ZNF582: variants seen among roughly 807,000 people sequenced by gnomAD.
ZNF582 encodes zinc finger protein 582.
In ZNF582, 14 loss-of-function variants were observed where a neutral mutation model predicts 12.3. The ratio of observed to expected loss-of-function variants is 1.14; its 90% CI spans 0.75 to 1.78. ZNF582 has a LOEUF of 1.78. Ranked by LOEUF, ZNF582 falls within the 40% of genes most tolerant of loss-of-function variation. ZNF582 has a pLI of 0.00. For missense variants in ZNF582, 567 were observed against 616.5 expected, an observed-to-expected ratio of 0.92 and a Z score of 0.85; for synonymous variants, 210 against 207.2, an observed-to-expected ratio of 1.01 and a Z score of -0.11.
At chr19:56,384,354 T>C in exon 5 of ZNF582, 2 of 1,613,250 alleles carry the variant, frequency 1.2e-6, no homozygotes, top group Non-Finnish European at 1.7e-6. Context: ...TGATGTCGTA[T>C]AAGAGTTGAG....
intron 4 of ZNF582, among the ~76,000 whole-genome samples, chr19:56,389,542 GGAGA>G (rs1437708008): frequency 6.6e-6 from 1 of 152,020 alleles, no homozygotes; most frequent in Non-Finnish European, 1.5e-5. Flanking sequence ...TTGGGCGGAG[GGAGA>G]GAATCAGGAA....
chr19:56,384,767 T>C (rs2041950284), exon 5 of ZNF582: 1 of 1,600,754 alleles, frequency 6.2e-7, no homozygotes, highest in Non-Finnish European at 8.5e-7. Context: ...AATATTCTCA[T>C]GTTGAATTAG....
chr19:56,390,116 T>A lies in ZNF582; in HGVS notation c.137-20A>T, dbSNP rs1458804179. On this transcript the variant is annotated intron_variant, in intron 3 of 4. Transcript: ENST00000586929. The stretch of plus-strand genomic sequence containing the variant: ...CAAGACCTGGAGATGAGAAGAAACA[T>A]GCCACCTGGTTATGGTGTGGGGGCC... 1 of 1,611,070 alleles carries A rather than the reference T, an allele frequency of 6.2e-7. No homozygotes were observed. Among genetic ancestry groups the A allele is most frequent in the Non-Finnish European group, 8.5e-7 (1 of 1,178,070 alleles).
chr19:56,389,237 C>A (rs1285856196), intron 4 of ZNF582, among the ~76,000 whole-genome samples: 2 of 152,216 alleles, frequency 1.3e-5, no homozygotes, highest in Non-Finnish European at 2.9e-5. Flanking sequence ...CCACCTGCCT[C>A]ATCAATGTAT....
At chr19:56,383,517 T>C (rs1191656752) in exon 5 of ZNF582, 1 of 173,932 alleles carries the variant, frequency 5.7e-6, no homozygotes, top group Non-Finnish European at 1.2e-5. Flanking sequence ...CTCAATTCAT[T>C]CTTTTCATTA....
rs781755424 is a variant in ZNF582, at chr19:56,384,969, G to C, written c.448C>G (p.Pro150Ala). 2.5e-6 allele frequency: 4 copies of C among 1,614,092 alleles called. No individual in the cohort carries two copies. The East Asian group carries it at 8.9e-5, about 36-fold the overall frequency. The change falls in exon 5 of 5, where the codon CCC becomes GCC. Residue 150 changes from proline (P) to alanine (A), a missense_variant. Transcript: ENST00000586929. ...AGGGATGCATGCTGGTCAAAAGTGGGCATTTCTTCATGTCTGATGATCATC... is the reference window on the plus strand; with the variant it reads ...AGGGATGCATGCTGGTCAAAAGTGGCCATTTCTTCATGTCTGATGATCATC...
chr19:56,393,158 C>A (rs901227112), intron 1 of ZNF582, 62 bp downstream of exon 1: 1 of 1,216,312 alleles, frequency 8.2e-7, no homozygotes, highest in Non-Finnish European at 1.1e-6. Flanking sequence ...AAAAAAGGCA[C>A]GCATAACAGT....
chr19:56,393,117 T>G lies in ZNF582; in HGVS notation c.-81+103A>C, dbSNP rs550398214. 90 of 1,025,276 alleles carry G rather than the reference T, an allele frequency of 8.8e-5. No homozygotes were observed. The South Asian group carries it at 1.2e-3, about 14-fold the overall frequency. 63.5% of individuals were successfully genotyped at this position (1,025,276 alleles called of 1,614,324 possible). ...GTCTTGTAACTCTCTGAGAACCTCA[T>G]GAAACAAGATTTCCTCTCAGATTAA... On this transcript the variant is annotated intron_variant, in intron 1 of 4. Coordinates refer to ENST00000586929, the Ensembl canonical transcript of ZNF582.
exon 5 of ZNF582, chr19:56,384,805 A>G (rs543855632): frequency 6.3e-7 from 1 of 1,598,276 alleles, no homozygotes; most frequent in South Asian, 1.1e-5. Flanking sequence ...AGGCCTTCCC[A>G]CATTCCTTAC....
At chr19:56,385,831 G>A (rs922186431) in intron 4 of ZNF582, among the ~76,000 whole-genome samples, 7 of 152,194 alleles carry the variant, frequency 4.6e-5, no homozygotes, top group African/African-American at 1.7e-4. Context: ...GGGAGCACAA[G>A]GGAACTTTTT....
exon 5 of ZNF582, chr19:56,384,755 T>C (rs138936614): frequency 6.2e-7 from 1 of 1,602,146 alleles, no homozygotes; most frequent in African/African-American, 1.3e-5. Flanking sequence ...CTTACCAGAA[T>C]GAATATTCTC....
At chr19:56,389,940 C>T in intron 4 of ZNF582, 61 bp downstream of exon 4, 1 of 1,372,922 alleles carries the variant, frequency 7.3e-7, no homozygotes, top group Non-Finnish European at 1.0e-6. Context: ...AGACAAAGGG[C>T]CACTTCCAGC....
At chr19:56,391,793 T>A in exon 2 of ZNF582, 1 of 1,614,154 alleles carries the variant, frequency 6.2e-7, no homozygotes. Flanking sequence ...CTCCTTCTGG[T>A]TCCTCTCTTG....
intron 3 of ZNF582, 81 bp from the exon 4 acceptor site, chr19:56,390,177 G>C: frequency 7.1e-7 from 1 of 1,411,544 alleles, no homozygotes; most frequent in Non-Finnish European, 9.9e-7. Flanking sequence ...CATCAAGCAG[G>C]AGAGGCAGTT....
chr19:56,393,282 C>G, exon 1 of ZNF582: 1 of 1,242,084 alleles, frequency 8.1e-7, no homozygotes, highest in Non-Finnish European at 1.0e-6. Context: ...AGAAAGCGCA[C>G]GCCGCGAGGG....
At chr19:56,391,982 C>A in intron 1 of ZNF582, 150 bp from the exon 2 acceptor site, 1 of 634,144 alleles carries the variant, frequency 1.6e-6, no homozygotes. Flanking sequence ...CCCCAGGAAA[C>A]CAGCTTTAGC....
At chr19:56,384,822 A>T in exon 5 of ZNF582, 1 of 1,601,514 alleles carries the variant, frequency 6.2e-7, no homozygotes, top group Non-Finnish European at 8.5e-7. Flanking sequence ...TTACATTTAT[A>T]GGGTTTCTCA....
exon 5 of ZNF582, chr19:56,383,987 G>A (rs1202135145): frequency 1.2e-6 from 2 of 1,613,818 alleles, no homozygotes; most frequent in African/African-American, 2.7e-5. Context: ...ATTCACATGT[G>A]TTTCTCTATT....
chr19:56,384,160 A>C, exon 5 of ZNF582: 1 of 1,609,098 alleles, frequency 6.2e-7, no homozygotes, highest in Non-Finnish European at 8.5e-7. Context: ...ATGGCTTTTC[A>C]CCTGTATGAA....
Sources: gnomAD v4.1 joint callset for allele counts (sites outside exome capture counted in the v4.1 genomes callset) on GRCh38, gnomAD v4.1.1 for gene constraint, MANE v1.5 for transcripts, NCBI Gene and HGNC (gene_info 2026-07-23, HGNC 2026-07-21) for gene names.